The following SLC44A5 variants were observed in gnomAD, a reference collection of about 807,000 sequenced individuals.
The protein encoded by SLC44A5 is choline transporter-like protein 5.
Under a neutral mutation model 101.8 loss-of-function variants are expected in SLC44A5, and 57 were observed. The ratio of observed to expected loss-of-function variants is 0.56; its 90% confidence interval spans 0.45 to 0.70. SLC44A5 has a LOEUF of 0.70. Ranked by LOEUF, SLC44A5 falls within the 30% of genes least tolerant of loss-of-function variation. The pLI, the probability that SLC44A5 is intolerant of heterozygous loss-of-function variation, is 0.00. For missense variants in SLC44A5, 737 were observed against 853.1 expected, an observed-to-expected ratio of 0.86 and a Z score of 1.70; for synonymous variants, 281 against 290.9, an observed-to-expected ratio of 0.97 and a Z score of 0.35.
chr1:75,475,617 A>AAT (rs1667339750), intron 2 of SLC44A5, among the ~76,000 whole-genome samples: 1 of 152,162 alleles, frequency 6.6e-6, no homozygotes, highest in Non-Finnish European at 1.5e-5. Context: ...CTGCCACTCT[A>AAT]ATATATATGT....
chr1:75,485,306 G>C (rs1452351246), intron 2 of SLC44A5, among the ~76,000 whole-genome samples: 1 of 152,170 alleles, frequency 6.6e-6, no homozygotes, highest in African/African-American at 2.4e-5. Flanking sequence ...ATGCTTTGCT[G>C]CTTAGAAATT....
At chr1:75,373,933 C>G (rs964884791) in intron 3 of SLC44A5, among the ~76,000 whole-genome samples, 4 of 152,294 alleles carry the variant, frequency 2.6e-5, no homozygotes, top group African/African-American at 9.6e-5. Context: ...TGGGGAGGAG[C>G]CCCCACTCTC....
At chr1:75,593,682 G>T (rs1674479779) in intron 1 of SLC44A5, among the ~76,000 whole-genome samples, 1 of 152,102 alleles carries the variant, frequency 6.6e-6, no homozygotes, top group Non-Finnish European at 1.5e-5. Flanking sequence ...CCTGTCATTT[G>T]CAACAATGCA....
At chr1:75,681,143 C>G in the SLC44A5 span, among the ~76,000 whole-genome samples, 1 of 151,986 alleles carries the variant, frequency 6.6e-6, no homozygotes, top group Non-Finnish European at 1.5e-5. Flanking sequence ...CAAAAAGAGT[C>G]CAGGACCAGA....
intron 2 of SLC44A5, among the ~76,000 whole-genome samples, chr1:75,478,842 T>C (rs1263236533): frequency 2.0e-5 from 3 of 152,064 alleles, no homozygotes; most frequent in Admixed American, 6.6e-5. Flanking sequence ...GACAGATCAA[T>C]GAGACAGAAA....
chr1:75,398,712 A>C (rs1662283587), intron 2 of SLC44A5, among the ~76,000 whole-genome samples: 1 of 152,188 alleles, frequency 6.6e-6, no homozygotes. Context: ...GAATCAAAAA[A>C]AGCAAAGTTC....
At chr1:75,534,516 A>T (rs573211267) in intron 2 of SLC44A5, among the ~76,000 whole-genome samples, 1 of 152,364 alleles carries the variant, frequency 6.6e-6, no homozygotes, top group East Asian at 1.9e-4. Context: ...GAAATGAAAA[A>T]TGACAGCTTC....
chr1:75,676,193 TG>T, the SLC44A5 span, among the ~76,000 whole-genome samples: 9 of 152,338 alleles, frequency 5.9e-5, no homozygotes, highest in Middle Eastern at 6.8e-3. Flanking sequence ...ATCCCATTAC[TG>T]GCTACATACC....
At chr1:75,629,722 T>C in the SLC44A5 span, among the ~76,000 whole-genome samples, 2 of 151,796 alleles carry the variant, frequency 1.3e-5, no homozygotes, top group Admixed American at 1.3e-4. Flanking sequence ...GAAAGAAGGA[T>C]ACAAATACAG....
chr1:75,360,978 T>C (rs1331576697), intron 3 of SLC44A5, among the ~76,000 whole-genome samples: 1 of 152,212 alleles, frequency 6.6e-6, no homozygotes, highest in Non-Finnish European at 1.5e-5. Context: ...TTTTCTTTAA[T>C]TTTTGGCATC....
At chr1:75,250,206 T>C (rs557459885) in intron 7 of SLC44A5, among the ~76,000 whole-genome samples, 30 of 152,264 alleles carry the variant, frequency 2.0e-4, no homozygotes, top group African/African-American at 6.5e-4. Context: ...TTTGTGTCCA[T>C]ATGTTCTCAT....
At chr1:75,576,490 ATTTT>A (rs34086425) in intron 1 of SLC44A5, among the ~76,000 whole-genome samples, 2 of 150,690 alleles carry the variant, frequency 1.3e-5, no homozygotes, top group African/African-American at 4.9e-5. Flanking sequence ...ATTTTTTTGT[ATTTT>A]TTTTTAGTAG....
intron 2 of SLC44A5, among the ~76,000 whole-genome samples, chr1:75,463,246 C>T (rs890011194): frequency 6.6e-6 from 1 of 151,894 alleles, no homozygotes; most frequent in Non-Finnish European, 1.5e-5. Flanking sequence ...ACGGTGAAAC[C>T]CCGTCTCTAC....
At chr1:75,645,193 A>T in the SLC44A5 span, among the ~76,000 whole-genome samples, 812 of 152,266 alleles carry the variant, frequency 5.3e-3, 8 homozygotes, top group African/African-American at 0.019. Context: ...ATCCCTGAGG[A>T]ATCGCCACAC....
At chr1:75,512,291 T>C (rs963323759) in intron 2 of SLC44A5, among the ~76,000 whole-genome samples, 2 of 152,174 alleles carry the variant, frequency 1.3e-5, no homozygotes, top group Non-Finnish European at 2.9e-5. Context: ...CCCTTTCATG[T>C]AATATTAAAA....
At chr1:75,701,280 C>T in the SLC44A5 span, among the ~76,000 whole-genome samples, 1 of 152,160 alleles carries the variant, frequency 6.6e-6, no homozygotes, top group Admixed American at 6.5e-5. Context: ...AAACCAAATC[C>T]AGCAGCACAT....
chr1:75,535,036 ACT>A (rs1332727153), intron 2 of SLC44A5, among the ~76,000 whole-genome samples: 1 of 150,750 alleles, frequency 6.6e-6, no homozygotes. Flanking sequence ...ATCTTGATTA[ACT>A]CTCATTTTTT....
chr1:75,482,178 C>A (rs1667903178), intron 2 of SLC44A5, among the ~76,000 whole-genome samples: 1 of 151,622 alleles, frequency 6.6e-6, no homozygotes, highest in African/African-American at 2.4e-5. Context: ...GGATAAAAAA[C>A]CAAACACCAC....
At chr1:75,383,326 T>C (rs1181365885) in intron 3 of SLC44A5, among the ~76,000 whole-genome samples, 1 of 137,754 alleles carries the variant, frequency 7.3e-6, no homozygotes, top group Non-Finnish European at 1.6e-5. Flanking sequence ...ATCCTCCATA[T>C]GCTGAACGCT....
Sources: allele counts gnomAD v4.1 joint callset (sites outside exome capture counted in the v4.1 genomes callset), GRCh38; gene constraint gnomAD v4.1.1; transcripts MANE v1.5; gene names NCBI Gene and HGNC (gene_info 2026-07-23, HGNC 2026-07-21).